Variants in MORC1 observed in about 807,000 individuals in gnomAD.
MORC1 encodes MORC family CW-type zinc finger protein 1.
A neutral mutation model predicts 134.9 loss-of-function variants in MORC1; 59 were observed. The observed-to-expected ratio is 0.44, with a 90% confidence interval of 0.35 to 0.54. The LOEUF (loss-of-function observed/expected upper bound fraction) is 0.54, where lower values mean the gene tolerates loss of function less well. MORC1 is among the 20% of genes least tolerant of loss of function. The pLI is 0.00. For synonymous variants in MORC1, 395 were observed against 391.7 expected (o/e 1.01, Z -0.10); for missense variants, 947 against 1,134.5 (o/e 0.83, Z 2.37).
chr3:109,117,953 C>T, intron 1 of MORC1, 42 bp downstream of exon 1: 2 of 1,493,708 alleles, frequency 1.3e-6, no homozygotes, highest in Non-Finnish European at 1.8e-6. Flanking sequence ...TCATGGCGGG[C>T]GCAGAGACCC....
chr3:108,970,667 G>C (rs543774521), intron 25 of MORC1, among the ~76,000 whole-genome samples: 7 of 152,320 alleles, frequency 4.6e-5, no homozygotes, highest in African/African-American at 1.7e-4. Context: ...TGGAGGTGGA[G>C]AAAAGGCCTC....
intron 14 of MORC1, among the ~76,000 whole-genome samples, chr3:109,053,620 A>G (rs1260824389): frequency 7.2e-5 from 11 of 152,206 alleles, no homozygotes. Flanking sequence ...ACTGAGGAAT[A>G]TAAAAGAGGA....
At chr3:109,014,480 G>T (rs1948769812) in intron 17 of MORC1, among the ~76,000 whole-genome samples, 1 of 152,180 alleles carries the variant, frequency 6.6e-6, no homozygotes, top group South Asian at 2.1e-4. Flanking sequence ...TCCACTACTT[G>T]TGGGAGCTTA....
intron 26 of MORC1, among the ~76,000 whole-genome samples, chr3:108,963,843 A>T (rs757306069): frequency 1.3e-5 from 2 of 152,236 alleles, no homozygotes; most frequent in Non-Finnish European, 2.9e-5. Context: ...TAAGGAGGAA[A>T]GAGACACATG....
chr3:108,968,724 A>G (rs896661573), intron 26 of MORC1, among the ~76,000 whole-genome samples: 5 of 151,526 alleles, frequency 3.3e-5, no homozygotes, highest in Non-Finnish European at 7.4e-5. Context: ...GGCTGTAAAC[A>G]TAAGCATACA....
At chr3:109,072,340 G>A (rs979390660) in intron 8 of MORC1, among the ~76,000 whole-genome samples, 5 of 151,946 alleles carry the variant, frequency 3.3e-5, no homozygotes, top group Non-Finnish European at 5.9e-5. Context: ...TTCACCCTGC[G>A]GTATACAACT....
At chr3:108,965,730 G>A (rs1947202397) in intron 26 of MORC1, among the ~76,000 whole-genome samples, 1 of 151,960 alleles carries the variant, frequency 6.6e-6, no homozygotes, top group South Asian at 2.1e-4. Flanking sequence ...TATGCACTGG[G>A]GAAACCGGGT....
chr3:109,047,519 C>T (rs1576676246), intron 14 of MORC1, among the ~76,000 whole-genome samples: 1 of 151,478 alleles, frequency 6.6e-6, no homozygotes, highest in Middle Eastern at 3.4e-3. Context: ...CAGCTGAAAG[C>T]AATGTAAATG....
rs1257066183 is a variant in MORC1 at position 109,118,103 on chromosome 3, T to C, written c.-44A>G. 8 of 1,579,252 alleles carry C rather than the reference T, an allele frequency of 5.1e-6. No individual in the cohort carries two copies. The highest frequency in any genetic ancestry group is 1.1e-5 in the South Asian group (1 of 87,010). The stretch of plus-strand genomic sequence containing the variant: ...CGCAACTCAAGGGGACAAGGACACC[T>C]GACCGGCAGCCGTTCGCCTGCGCCC... On this transcript the variant is annotated 5_prime_UTR_variant, in exon 1 of 28. Transcript: ENST00000232603.
chr3:109,060,255 T>A (rs1540536), intron 11 of MORC1, among the ~76,000 whole-genome samples: 29,825 of 135,990 alleles, frequency 0.22, 3,386 homozygotes, highest in Middle Eastern at 0.35. Flanking sequence ...ACGAAGTGTT[T>A]TTGCAGGAAA....
At chr3:109,073,185 C>T (rs1950354105) in intron 8 of MORC1, among the ~76,000 whole-genome samples, 1 of 152,188 alleles carries the variant, frequency 6.6e-6, no homozygotes, top group South Asian at 2.1e-4. Flanking sequence ...CCCAATCTGT[C>T]CACAGTATTC....
intron 18 of MORC1, 71 bp from the exon 19 acceptor site, chr3:109,005,386 A>C: frequency 1.6e-4 from 225 of 1,379,354 alleles, no homozygotes; most frequent in Non-Finnish European, 2.0e-4. Context: ...CACTTCTCTC[A>C]TAACCTCATT....
intron 2 of MORC1, among the ~76,000 whole-genome samples, chr3:109,112,855 T>C (rs1163005829): frequency 1.3e-5 from 2 of 152,232 alleles, no homozygotes; most frequent in African/African-American, 4.8e-5. Flanking sequence ...GGCTGCCAGC[T>C]TACAAATGCT....
At chr3:109,011,860 A>T (rs1948694112) in intron 17 of MORC1, among the ~76,000 whole-genome samples, 1 of 152,000 alleles carries the variant, frequency 6.6e-6, no homozygotes, top group African/African-American at 2.4e-5. Context: ...ATACAAGTCC[A>T]CTGTCAGGTA....
At position 109,035,444 on chromosome 3, in the gene MORC1, C is replaced by T. The variant is rs1369318888; in HGVS notation, c.1355G>A (p.Cys452Tyr). The T allele has an allele frequency of 2.0e-6, 3 of 1,478,088 alleles. No homozygotes were observed. The highest frequency in any genetic ancestry group is 2.6e-5 in the South Asian group (2 of 76,288). 91.6% of individuals were successfully genotyped at this position (1,478,088 alleles called of 1,614,324 possible). The change falls in exon 15 of 28, where the codon TGC (cysteine) becomes TAC (tyrosine). Residue 452 changes from cysteine (C) to tyrosine (Y), a missense_variant. Around this residue, in one of 3 missense-constraint regions of MORC1, gnomAD observed 722 missense variants for 817.0 expected, o/e 0.88. Coordinates refer to ENST00000232603, the MANE Select transcript of MORC1 (RefSeq NM_014429.4). ...GINNRNLTLF[C>Y]NEFGYQNDID... ...GTCATTCTGGTATCCAAATTCATTG[C>T]AAAACAATGTTAAATTTCTATTATC...
intron 16 of MORC1, among the ~76,000 whole-genome samples, chr3:109,028,391 G>T (rs111764386): frequency 2.0e-4 from 30 of 152,252 alleles, no homozygotes; most frequent in African/African-American, 6.0e-4. Context: ...CAATAGCCTT[G>T]GGAGGTAATG....
At chr3:109,085,599 CAG>C (rs1281059794) in intron 8 of MORC1, among the ~76,000 whole-genome samples, 1 of 151,518 alleles carries the variant, frequency 6.6e-6, no homozygotes, top group East Asian at 1.9e-4. Flanking sequence ...TATCCAAAGA[CAG>C]GGAATAATGG....
chr3:109,048,117 A>G (rs931330254), intron 14 of MORC1, among the ~76,000 whole-genome samples: 4 of 152,224 alleles, frequency 2.6e-5, no homozygotes, highest in African/African-American at 9.6e-5. Context: ...ACTGTGTGAT[A>G]ACTATAAGAC....
At chr3:108,996,337 T>C (rs1157496513) in intron 21 of MORC1, among the ~76,000 whole-genome samples, 2 of 147,454 alleles carry the variant, frequency 1.4e-5, no homozygotes, top group African/African-American at 2.5e-5. Flanking sequence ...TTCAGCTTTA[T>C]AGGGTCAGAG....
Sources: gnomAD v4.1 joint callset for allele counts (sites outside exome capture counted in the v4.1 genomes callset) on GRCh38, gnomAD v4.1.1 for gene constraint, gnomAD v4.1.1 regional missense constraint, MANE v1.5 for transcripts, NCBI Gene and HGNC (gene_info 2026-07-23, HGNC 2026-07-21) for gene names.